The following EYS variants were observed in gnomAD, a reference collection of about 807,000 sequenced individuals.
The protein encoded by EYS is EGF-like photoreceptor maintenance factor.
Under a neutral mutation model 282.1 loss-of-function variants are expected in EYS, and 250 were observed. The observed-to-expected ratio is 0.89, with a 90% CI of 0.80 to 0.98. The LOEUF (loss-of-function observed/expected upper bound fraction) is 0.98. Ranked by LOEUF, EYS falls within the 50% of genes least tolerant of loss-of-function variation. The probability of loss-of-function intolerance (pLI) is 0.00; values close to 1 mark genes in which losing one functional copy is unlikely to be tolerated. For missense variants in EYS, 4,016 were observed against 3,709.0 expected (o/e 1.08, Z -2.15); for synonymous variants, 1,355 against 1,282.9 (o/e 1.06, Z -1.20).
intron 22 of EYS, among the ~76,000 whole-genome samples, chr6:64,694,631 A>C (rs932501848): frequency 1.9e-4 from 29 of 152,150 alleles, no homozygotes; most frequent in Admixed American, 1.9e-3. Context: ...GGCTGGAGTC[A>C]CTGGTTTGGA....
chr6:63,898,426 G>A (rs1413589860), intron 35 of EYS, among the ~76,000 whole-genome samples: 1 of 152,098 alleles, frequency 6.6e-6, no homozygotes, highest in Admixed American at 6.5e-5. Context: ...GGGAGGCGGA[G>A]GTTGCTGTGA....
chr6:65,115,249 T>A (rs936478545), intron 12 of EYS, among the ~76,000 whole-genome samples: 2 of 152,040 alleles, frequency 1.3e-5, no homozygotes, highest in Non-Finnish European at 2.9e-5. Context: ...AAACAAAAAA[T>A]TTTATACAAA....
At chr6:65,254,550 G>T (rs930818527) in intron 12 of EYS, among the ~76,000 whole-genome samples, 5 of 151,916 alleles carry the variant, frequency 3.3e-5, no homozygotes, top group Admixed American at 2.6e-4. Flanking sequence ...ACACAGAACT[G>T]CAAATGTTAG....
intron 12 of EYS, among the ~76,000 whole-genome samples, chr6:65,165,519 T>C (rs1222958145): frequency 6.6e-6 from 1 of 151,248 alleles, no homozygotes; most frequent in Non-Finnish European, 1.5e-5. Flanking sequence ...GAATTCCATT[T>C]CTTCATATGA....
intron 35 of EYS, among the ~76,000 whole-genome samples, chr6:63,972,457 A>G (rs780134204): frequency 3.3e-5 from 5 of 152,250 alleles, no homozygotes; most frequent in Non-Finnish European, 7.3e-5. Context: ...TGATGAAGCT[A>G]TAATTTTTAT....
rs1431255961 is a variant in EYS at position 64,637,328 on chromosome 6, C to T, written c.3444-11083G>A. Reference sequence around the variant, plus strand: ...TGAAACTGGAAACCATAATTCTCAGCAAACTATCGCAAGGACAAAAAAACA... The same window carrying T: ...TGAAACTGGAAACCATAATTCTCAGTAAACTATCGCAAGGACAAAAAAACA... On this transcript the variant is annotated intron_variant, in intron 22 of 42. Transcript: ENST00000503581. 1.1e-4 allele frequency among the ~76,000 whole-genome samples: 10 copies of T among 87,086 alleles called. 4 individuals are homozygous for T. The highest frequency in any genetic ancestry group is 2.4e-4 in the Non-Finnish European group (10 of 41,160). 57.1% of individuals were successfully genotyped at this position (87,086 alleles called of 152,430 possible).
At chr6:65,137,717 T>C (rs914273671) in intron 12 of EYS, among the ~76,000 whole-genome samples, 19 of 151,960 alleles carry the variant, frequency 1.3e-4, no homozygotes, top group African/African-American at 4.6e-4. Context: ...ATATATAGGA[T>C]TAGTACTGGA....
At position 64,908,487 on chromosome 6, in the gene EYS, C is replaced by T. The variant is rs569765596; in HGVS notation, c.2641+3997G>A. Among the ~76,000 whole-genome samples the T allele has an allele frequency of 1.1e-4, 16 of 152,102 alleles. 1 individual carries two copies. In the South Asian group the frequency reaches 2.3e-3, roughly 22 times the overall value. On this transcript the variant is annotated intron_variant, in intron 16 of 42. Transcript: ENST00000503581. ...CAGGGAGGGCAAAGGGCTGGTTGGA[C>T]GGCCTTTCTGGGTACCCACACTCAG...
chr6:65,558,798 C>G (rs1193325606), intron 2 of EYS, among the ~76,000 whole-genome samples: 1 of 152,212 alleles, frequency 6.6e-6, no homozygotes, highest in African/African-American at 2.4e-5. Context: ...CTGGAGAACA[C>G]ACAGAGGATA....
chr6:64,134,745 GACTA>G (rs1774102961), intron 31 of EYS, among the ~76,000 whole-genome samples: 1 of 152,042 alleles, frequency 6.6e-6, no homozygotes, highest in African/African-American at 2.4e-5. Flanking sequence ...GATTCAGCCT[GACTA>G]ACGAGGAGCT....
At chr6:64,783,300 T>C (rs2149995173) in intron 22 of EYS, among the ~76,000 whole-genome samples, 1 of 151,642 alleles carries the variant, frequency 6.6e-6, no homozygotes, top group East Asian at 1.9e-4. Context: ...ACATATCCTA[T>C]ATACATATAC....
intron 2 of EYS, among the ~76,000 whole-genome samples, chr6:65,581,006 G>C (rs1282354957): frequency 6.6e-6 from 1 of 152,046 alleles, no homozygotes. Context: ...ATTGCAATGA[G>C]TAATTTTGGC....
At chr6:63,949,072 A>G (rs1765486314) in intron 35 of EYS, among the ~76,000 whole-genome samples, 1 of 152,192 alleles carries the variant, frequency 6.6e-6, no homozygotes, top group African/African-American at 2.4e-5. Context: ...TTTAGTGAAG[A>G]TTCCATATAG....
At chr6:63,883,311 G>A (rs1279308630) in intron 35 of EYS, among the ~76,000 whole-genome samples, 1 of 152,066 alleles carries the variant, frequency 6.6e-6, no homozygotes, top group South Asian at 2.1e-4. Context: ...ACATCACCAC[G>A]GCTCCAACTG....
Position 64,549,710 on chromosome 6 carries a change from C to T in EYS, c.5644+40513G>A, listed in dbSNP as rs140732988. 3.3e-5 allele frequency among the ~76,000 whole-genome samples: 5 copies of T among 150,788 alleles called. No homozygotes were observed. The East Asian group carries it at 5.9e-4, about 18-fold the overall frequency. Reference sequence around the variant, plus strand: ...GGAAATATCCAATATACACTCCTTACGCCTTCCTACAGCACATGAAATCTT... The same window carrying T: ...GGAAATATCCAATATACACTCCTTATGCCTTCCTACAGCACATGAAATCTT... On this transcript the variant is annotated intron_variant, in intron 26 of 42. Coordinates refer to ENST00000503581, the MANE Select transcript of EYS (RefSeq NM_001142800.2).
intron 22 of EYS, among the ~76,000 whole-genome samples, chr6:64,719,747 A>T (rs1771512666): frequency 6.6e-6 from 1 of 152,182 alleles, no homozygotes; most frequent in Admixed American, 6.5e-5. Context: ...TCTACTAAAA[A>T]TACAAAAATT....
intron 22 of EYS, among the ~76,000 whole-genome samples, chr6:64,675,716 C>T (rs1389828772): frequency 6.6e-6 from 1 of 151,860 alleles, no homozygotes; most frequent in Admixed American, 6.6e-5. Flanking sequence ...GCATGAGCCA[C>T]CACACCTGGC....
intron 22 of EYS, among the ~76,000 whole-genome samples, chr6:64,785,123 T>G (rs1773977281): frequency 6.6e-6 from 1 of 152,164 alleles, no homozygotes; most frequent in African/African-American, 2.4e-5. Context: ...AATCCTGAAC[T>G]GCAATTTCAA....
At chr6:65,202,257 G>C (rs1306641107) in intron 12 of EYS, among the ~76,000 whole-genome samples, 1 of 151,962 alleles carries the variant, frequency 6.6e-6, no homozygotes, top group Non-Finnish European at 1.5e-5. Context: ...AGGAAATCGG[G>C]TATTCTGTAT....
Sources: gnomAD v4.1 joint callset for allele counts (sites outside exome capture counted in the v4.1 genomes callset) on GRCh38, gnomAD v4.1.1 for gene constraint, MANE v1.5 for transcripts, NCBI Gene and HGNC (gene_info 2026-07-23, HGNC 2026-07-21) for gene names.